The following CNTNAP2 variants were observed in gnomAD, a reference collection of about 807,000 sequenced individuals.
The protein encoded by CNTNAP2 is contactin-associated protein-like 2.
Under a neutral mutation model 155.2 loss-of-function variants are expected in CNTNAP2, and 98 were observed. The observed-to-expected ratio is 0.63, with a 90% CI of 0.54 to 0.75. CNTNAP2 has a LOEUF of 0.75. Ranked by LOEUF, CNTNAP2 falls within the 30% of genes least tolerant of loss-of-function variation. The pLI is 0.00. For synonymous variants in CNTNAP2, 651 were observed against 631.2 expected, an observed-to-expected ratio of 1.03 and a Z score of -0.47; for missense variants, 1,727 against 1,688.1, an observed-to-expected ratio of 1.02 and a Z score of -0.40.
intron 14 of CNTNAP2, among the ~76,000 whole-genome samples, chr7:147,973,738 C>T (rs541061933): frequency 6.6e-6 from 1 of 152,052 alleles, no homozygotes; most frequent in Admixed American, 6.6e-5. Context: ...GGTGTTTTGG[C>T]TTATATTCTG....
chr7:146,220,288 TAA>T (rs11364418), intron 1 of CNTNAP2, among the ~76,000 whole-genome samples: 14 of 151,352 alleles, frequency 9.2e-5, no homozygotes, highest in East Asian at 3.9e-4. Flanking sequence ...GAATGCATGC[TAA>T]AAAAAAAAAT....
intron 1 of CNTNAP2, among the ~76,000 whole-genome samples, chr7:146,292,511 T>C (rs954683322): frequency 1.3e-5 from 2 of 152,146 alleles, no homozygotes; most frequent in South Asian, 2.1e-4. Flanking sequence ...GAAAAGGAAC[T>C]CTTAACACAC....
intron 14 of CNTNAP2, among the ~76,000 whole-genome samples, chr7:147,969,381 C>T (rs1467354131): frequency 6.6e-6 from 1 of 152,098 alleles, no homozygotes; most frequent in African/African-American, 2.4e-5. Flanking sequence ...ATGACTATGA[C>T]TCTCCTGTTA....
intron 13 of CNTNAP2, among the ~76,000 whole-genome samples, chr7:147,662,089 C>T (rs1460850380): frequency 1.3e-5 from 2 of 152,170 alleles, no homozygotes; most frequent in African/African-American, 4.8e-5. Flanking sequence ...TTTCTTAGAA[C>T]ATTTAATACC....
intron 12 of CNTNAP2, among the ~76,000 whole-genome samples, chr7:147,567,525 A>T (rs1800196967): frequency 6.6e-6 from 1 of 152,154 alleles, no homozygotes; most frequent in Admixed American, 6.5e-5. Flanking sequence ...AGAGGTTGAA[A>T]ATGGAGACTT....
intron 1 of CNTNAP2, among the ~76,000 whole-genome samples, chr7:146,573,212 G>T (rs1004593099): frequency 6.6e-6 from 1 of 151,966 alleles, no homozygotes; most frequent in Non-Finnish European, 1.5e-5. Context: ...GCACAATCTC[G>T]GCTCACTGCA....
intron 1 of CNTNAP2, among the ~76,000 whole-genome samples, chr7:146,138,256 A>C (rs1490573961): frequency 6.6e-6 from 1 of 152,150 alleles, no homozygotes; most frequent in Non-Finnish European, 1.5e-5. Flanking sequence ...TACTTTGTGC[A>C]TTGAATTTTA....
chr7:147,224,068 T>C (rs1339214466), intron 8 of CNTNAP2, among the ~76,000 whole-genome samples: 8 of 151,538 alleles, frequency 5.3e-5, no homozygotes, highest in African/African-American at 1.9e-4. Context: ...CTTGTTCCCA[T>C]AGAGGTTTTT....
intron 2 of CNTNAP2, among the ~76,000 whole-genome samples, chr7:146,774,643 C>A (rs1464247729): frequency 6.6e-6 from 1 of 151,944 alleles, no homozygotes; most frequent in Non-Finnish European, 1.5e-5. Flanking sequence ...ATAATAAAGT[C>A]AAAATGGCAT....
intron 13 of CNTNAP2, among the ~76,000 whole-genome samples, chr7:147,827,019 C>T (rs1798463657): frequency 6.6e-6 from 1 of 151,062 alleles, no homozygotes; most frequent in Non-Finnish European, 1.5e-5. Flanking sequence ...CAAGCTCCAC[C>T]TCCTGGGTTC....
intron 1 of CNTNAP2, among the ~76,000 whole-genome samples, chr7:146,706,673 A>G (rs552290805): frequency 1.6e-4 from 24 of 152,084 alleles, no homozygotes; most frequent in Non-Finnish European, 3.5e-4. Context: ...GAAACAGAAA[A>G]CCAAATACCG....
intron 1 of CNTNAP2, among the ~76,000 whole-genome samples, chr7:146,419,374 G>A (rs1461189396): frequency 6.6e-6 from 1 of 151,948 alleles, no homozygotes; most frequent in Non-Finnish European, 1.5e-5. Context: ...ATGAGATTTG[G>A]GTGGGGACAC....
At chr7:146,369,035 A>G (rs887277337) in intron 1 of CNTNAP2, among the ~76,000 whole-genome samples, 42 of 112,964 alleles carry the variant, frequency 3.7e-4, no homozygotes, top group African/African-American at 1.5e-3. Context: ...TTATGTATAT[A>G]TATATATATA....
At chr7:146,420,587 A>G (rs1397638294) in intron 1 of CNTNAP2, among the ~76,000 whole-genome samples, 1 of 152,084 alleles carries the variant, frequency 6.6e-6, no homozygotes, top group African/African-American at 2.4e-5. Context: ...ACAGTTAGAT[A>G]TGGTCTTTGT....
At chr7:146,475,561 T>A (rs544617062) in intron 1 of CNTNAP2, among the ~76,000 whole-genome samples, 1 of 152,148 alleles carries the variant, frequency 6.6e-6, no homozygotes, top group Non-Finnish European at 1.5e-5. Flanking sequence ...GATGGTATAA[T>A]GATGAAATTG....
chr7:147,016,125 G>A (rs1798719270), intron 3 of CNTNAP2, among the ~76,000 whole-genome samples: 1 of 152,000 alleles, frequency 6.6e-6, no homozygotes, highest in Non-Finnish European at 1.5e-5. Flanking sequence ...AAAGCTGTGC[G>A]ACTTTTCAAA....
At chr7:146,586,534 CACAT>C (rs1798695071) in intron 1 of CNTNAP2, among the ~76,000 whole-genome samples, 1 of 151,576 alleles carries the variant, frequency 6.6e-6, no homozygotes, top group African/African-American at 2.4e-5. Context: ...CATTTACACA[CACAT>C]ACACACACAC....
intron 3 of CNTNAP2, among the ~76,000 whole-genome samples, chr7:146,978,062 A>C (rs754225551): frequency 2.3e-4 from 35 of 152,150 alleles, no homozygotes; most frequent in Non-Finnish European, 2.9e-4. Flanking sequence ...CTTCCTGTAG[A>C]ATGATACCCT....
At chr7:146,601,953 AAAAT>A (rs1798957324) in intron 1 of CNTNAP2, among the ~76,000 whole-genome samples, 1 of 152,142 alleles carries the variant, frequency 6.6e-6, no homozygotes, top group Non-Finnish European at 1.5e-5. Context: ...GAAAGTAAAA[AAAAT>A]AAATAAATAA....
Sources: gnomAD v4.1 joint callset for allele counts (sites outside exome capture counted in the v4.1 genomes callset) on GRCh38, gnomAD v4.1.1 for gene constraint, MANE v1.5 for transcripts, NCBI Gene and HGNC (gene_info 2026-07-23, HGNC 2026-07-21) for gene names.